Variants in CLIP1 observed in about 807,000 individuals in gnomAD.
CLIP1 encodes the protein CAP-Gly domain-containing linker protein 1.
CLIP1 carries 66 observed loss-of-function variants against 161.6 expected under a neutral mutation model. The observed-to-expected ratio is 0.41, with a 90% CI of 0.33 to 0.50. The LOEUF is 0.50. Among genes scored for constraint, CLIP1 ranks in the 20% least tolerant of loss-of-function variants. CLIP1 has a pLI of 0.27. For missense variants in CLIP1, 1,376 were observed against 1,702.0 expected, an observed-to-expected ratio of 0.81 and a Z score of 3.37; for synonymous variants, 598 against 626.2, an observed-to-expected ratio of 0.96 and a Z score of 0.67.
At chr12:122,384,211 A>G (rs983414590) in intron 1 of CLIP1, among the ~76,000 whole-genome samples, 2 of 152,210 alleles carry the variant, frequency 1.3e-5, no homozygotes, top group African/African-American at 4.8e-5. Context: ...TTGTGATTCC[A>G]AAGTTCATCT....
intron 3 of CLIP1, among the ~76,000 whole-genome samples, chr12:122,369,263 C>T (rs929373139): frequency 6.6e-6 from 1 of 152,048 alleles, no homozygotes; most frequent in African/African-American, 2.4e-5. Flanking sequence ...TCAACTGATT[C>T]CACCCACCTT....
rs147895576 is a variant in CLIP1, at chr12:122,393,720, T to C, written c.-106-13162A>G. Among the ~76,000 whole-genome samples the C allele has an allele frequency of 2.7e-3, 406 of 151,984 alleles. 2 individuals carry two copies. Among genetic ancestry groups the C allele is most frequent in the African/African-American group, 9.5e-3 (395 of 41,486 alleles). ...TGAGGTCAGTAGTTCGAGACCAGCCTGGACAACAAGGTGAAACCCCCATCT... is the reference window on the plus strand; with the variant it reads ...TGAGGTCAGTAGTTCGAGACCAGCCCGGACAACAAGGTGAAACCCCCATCT... On this transcript the variant is annotated intron_variant, in intron 1 of 25. Coordinates refer to ENST00000620786, the MANE Select transcript of CLIP1 (RefSeq NM_001247997.2).
chr12:122,273,726 G>A lies in CLIP1; in HGVS notation c.4091+312C>T, dbSNP rs117177202. On this transcript the variant is annotated intron_variant, in intron 25 of 25. Transcript: ENST00000620786. Reference sequence around the variant, plus strand: ...ACATATTTATTTTGATGAAACTAAGGTTCCAATCAGTATGGTTTTTTTTGA... The same window carrying A: ...ACATATTTATTTTGATGAAACTAAGATTCCAATCAGTATGGTTTTTTTTGA... Among the ~76,000 whole-genome samples, 139 of 152,016 alleles carry A rather than the reference G, an allele frequency of 9.1e-4. No homozygotes were observed. The East Asian group carries it at 0.015, about 16-fold the overall frequency.
At chr12:122,404,332 G>A (rs1302208213) in intron 1 of CLIP1, among the ~76,000 whole-genome samples, 1 of 152,114 alleles carries the variant, frequency 6.6e-6, no homozygotes, top group Non-Finnish European at 1.5e-5. Flanking sequence ...TGCAGTGGCT[G>A]ACGCCTGTAA....
intron 10 of CLIP1, 39 bp from the exon 11 acceptor site, chr12:122,341,736 T>TAACAAGTC (rs1332588616): frequency 3.9e-6 from 2 of 511,602 alleles, no homozygotes; most frequent in Non-Finnish European, 6.2e-6. Context: ...ATCATTTAAA[T>TAACAAGTC]AACAAGTCAT....
intron 20 of CLIP1, among the ~76,000 whole-genome samples, chr12:122,292,424 C>T (rs1353766841): frequency 6.6e-6 from 1 of 152,194 alleles, no homozygotes; most frequent in Non-Finnish European, 1.5e-5. Context: ...GTGGGAGCTT[C>T]TTCAAGATGG....
intron 1 of CLIP1, among the ~76,000 whole-genome samples, chr12:122,387,208 A>G (rs1370734216): frequency 2.6e-5 from 4 of 152,032 alleles, no homozygotes; most frequent in African/African-American, 7.2e-5. Context: ...TTTCATTACT[A>G]TAATACAGTG....
chr12:122,378,812 T>A (rs1479482160), intron 2 of CLIP1, among the ~76,000 whole-genome samples: 2 of 152,032 alleles, frequency 1.3e-5, no homozygotes, highest in Admixed American at 1.3e-4. Context: ...CCAGTCAACA[T>A]GATGAAACCC....
chr12:122,320,245 G>T (rs181343382), intron 17 of CLIP1, among the ~76,000 whole-genome samples: 1 of 143,048 alleles, frequency 7.0e-6, no homozygotes, highest in East Asian at 2.1e-4. Flanking sequence ...CCAGCCTGGC[G>T]ACACAGCGAG....
At chr12:122,393,498 C>T (rs1955757757) in intron 1 of CLIP1, among the ~76,000 whole-genome samples, 1 of 151,940 alleles carries the variant, frequency 6.6e-6, no homozygotes, top group Non-Finnish European at 1.5e-5. Flanking sequence ...CTTATGTGTA[C>T]AGGATGGCTC....
intron 1 of CLIP1, among the ~76,000 whole-genome samples, chr12:122,392,790 T>C (rs1213330334): frequency 6.7e-6 from 1 of 150,002 alleles, no homozygotes; most frequent in South Asian, 2.1e-4. Flanking sequence ...TGTTTTTTGG[T>C]TTTTTTTTGA....
At chr12:122,354,651 G>A (rs1953240510) in intron 6 of CLIP1, 95 bp from the exon 7 acceptor site, 5 of 936,656 alleles carry the variant, frequency 5.3e-6, no homozygotes, top group South Asian at 1.4e-5. Context: ...ACCATGGTGG[G>A]TGGGCGTTAC....
intron 5 of CLIP1, among the ~76,000 whole-genome samples, chr12:122,357,100 G>A (rs1047106664): frequency 4.0e-5 from 6 of 150,858 alleles, no homozygotes; most frequent in African/African-American, 1.5e-4. Flanking sequence ...TGGCTGCCCA[G>A]TCTGGAAAGT....
chr12:122,285,246 G>C (rs1429526746), intron 21 of CLIP1, among the ~76,000 whole-genome samples: 1 of 80,926 alleles, frequency 1.2e-5, no homozygotes, highest in Admixed American at 1.4e-4. Context: ...TTTTTTTTTT[G>C]AGACGGAGTC....
At chr12:122,363,567 G>A (rs908752229) in intron 4 of CLIP1, among the ~76,000 whole-genome samples, 7 of 151,178 alleles carry the variant, frequency 4.6e-5, no homozygotes, top group Non-Finnish European at 8.8e-5. Flanking sequence ...TTCTCCTGCC[G>A]CAGGATGGAA....
chr12:122,320,027 C>G (rs1035266616), intron 17 of CLIP1, among the ~76,000 whole-genome samples: 1 of 152,034 alleles, frequency 6.6e-6, no homozygotes, highest in African/African-American at 2.4e-5. Flanking sequence ...GTAATCCCAG[C>G]ACTTTGGGAG....
intron 1 of CLIP1, among the ~76,000 whole-genome samples, chr12:122,416,156 G>A (rs2137211581): frequency 6.6e-6 from 1 of 152,136 alleles, no homozygotes; most frequent in Admixed American, 6.6e-5. Flanking sequence ...AGAATCGCTT[G>A]AACCCGGGAG....
At chr12:122,412,792 T>A (rs1447939057) in intron 1 of CLIP1, among the ~76,000 whole-genome samples, 1 of 152,176 alleles carries the variant, frequency 6.6e-6, no homozygotes, top group Non-Finnish European at 1.5e-5. Context: ...TTAACCTACA[T>A]ATTTTAAGAA....
intron 9 of CLIP1, among the ~76,000 whole-genome samples, chr12:122,348,790 T>A (rs116377602): frequency 6.2e-4 from 95 of 152,204 alleles, no homozygotes; most frequent in African/African-American, 2.1e-3. Context: ...TGGACAATTA[T>A]GGGCAATGAA....
Sources: gnomAD v4.1 joint callset for allele counts (sites outside exome capture counted in the v4.1 genomes callset) on GRCh38, gnomAD v4.1.1 for gene constraint, MANE v1.5 for transcripts, NCBI Gene and HGNC (gene_info 2026-07-23, HGNC 2026-07-21) for gene names.